The following GNAO1 variants were observed in gnomAD, a reference collection of about 807,000 sequenced individuals.
GNAO1 encodes the protein guanine nucleotide-binding protein G(o) subunit alpha.
For missense variants in GNAO1, 166 were observed against 478.7 expected (o/e 0.35, Z 6.10); for synonymous variants, 164 against 180.7 (o/e 0.91, Z 0.74).
chr16:56,263,439 A>C (rs1288923884), intron 2 of GNAO1, among the ~76,000 whole-genome samples: 1 of 152,206 alleles, frequency 6.6e-6, no homozygotes, highest in Admixed American at 6.5e-5. Context: ...GGGGAAACAG[A>C]TGGTATACAA....
At chr16:56,344,358 G>A in intron 6 of GNAO1, 1 of 1,044,072 alleles carries the variant, frequency 9.6e-7, no homozygotes, top group Non-Finnish European at 1.2e-6. Flanking sequence ...TGCTGGCAGG[G>A]TGGGGTCATA....
At chr16:56,257,185 A>G (rs562416242) in intron 2 of GNAO1, among the ~76,000 whole-genome samples, 20 of 150,038 alleles carry the variant, frequency 1.3e-4, no homozygotes, top group Middle Eastern at 3.4e-3. Flanking sequence ...TGGGGGGGGG[A>G]AATTAGAAGT....
chr16:56,258,028 AAAAT>A (rs1415871527), intron 2 of GNAO1, among the ~76,000 whole-genome samples: 5 of 152,278 alleles, frequency 3.3e-5, no homozygotes, highest in African/African-American at 7.2e-5. Flanking sequence ...TTAAAGGAAA[AAAAT>A]AAAAAGAAAA....
At chr16:56,306,399 G>A (rs888665551) in intron 3 of GNAO1, among the ~76,000 whole-genome samples, 10 of 152,150 alleles carry the variant, frequency 6.6e-5, no homozygotes, top group African/African-American at 2.2e-4. Context: ...AGCTGCCCCC[G>A]CTCCTTCAGG....
rs555590421 is a variant in GNAO1, at chr16:56,195,129, C to T, written c.161+2513C>T. Among the ~76,000 whole-genome samples, 6 of 138,986 alleles carry T rather than the reference C, an allele frequency of 4.3e-5. No individual in the cohort carries two copies. The South Asian group carries it at 1.4e-3, about 32-fold the overall frequency. 91.2% of individuals were successfully genotyped at this position (138,986 alleles called of 152,430 possible). On this transcript the variant is annotated intron_variant, in intron 2 of 8. Coordinates refer to ENST00000262493, the MANE Select transcript of GNAO1 (RefSeq NM_020988.3). ...AGGACACCTTTTTCAAGAAAAATGT[C>T]AGGAAAACAGATTTTGTAGGTAAAA...
chr16:56,231,628 A>G (rs1318627718), intron 2 of GNAO1, among the ~76,000 whole-genome samples: 1 of 152,182 alleles, frequency 6.6e-6, no homozygotes, highest in Non-Finnish European at 1.5e-5. Flanking sequence ...GTGGTCAAGG[A>G]AGAGAATGAG....
intron 6 of GNAO1, among the ~76,000 whole-genome samples, chr16:56,349,080 C>T (rs558858073): frequency 6.6e-6 from 1 of 152,286 alleles, no homozygotes; most frequent in East Asian, 1.9e-4. Context: ...TGGTGTGAGT[C>T]GTGCTCTGTG....
intron 2 of GNAO1, among the ~76,000 whole-genome samples, chr16:56,217,848 T>C (rs2036449321): frequency 6.6e-6 from 1 of 152,208 alleles, no homozygotes; most frequent in Non-Finnish European, 1.5e-5. Context: ...CAGTATGTTA[T>C]GTATGAACGA....
chr16:56,218,603 A>C (rs951971306), intron 2 of GNAO1, among the ~76,000 whole-genome samples: 29 of 152,172 alleles, frequency 1.9e-4, no homozygotes, highest in Non-Finnish European at 2.8e-4. Flanking sequence ...CCCGCTGCCC[A>C]GTACTTCCTG....
chr16:56,273,753 T>C (rs1489798119), intron 2 of GNAO1, among the ~76,000 whole-genome samples: 4 of 152,244 alleles, frequency 2.6e-5, no homozygotes, highest in African/African-American at 9.6e-5. Flanking sequence ...ACTCTGGAGC[T>C]AGCTCAGCCC....
At chr16:56,345,940 C>G (rs1322041770) in intron 6 of GNAO1, 16 of 985,398 alleles carry the variant, frequency 1.6e-5, no homozygotes, top group Non-Finnish European at 1.8e-5. Context: ...CTCTCCATGT[C>G]CCCCAGCAGC....
chr16:56,278,497 A>T (rs1186071778), intron 3 of GNAO1, among the ~76,000 whole-genome samples: 3 of 152,166 alleles, frequency 2.0e-5, no homozygotes, highest in Admixed American at 6.5e-5. Context: ...GCTGGGCAGA[A>T]GAGAGTGGAA....
At chr16:56,308,352 T>A (rs529646297) in intron 3 of GNAO1, 45 of 152,348 alleles carry the variant, frequency 3.0e-4, no homozygotes, top group African/African-American at 1.1e-3. Flanking sequence ...CTGGCTTTTT[T>A]AAATGAGTCC....
chr16:56,240,533 T>G (rs988882759), intron 2 of GNAO1, among the ~76,000 whole-genome samples: 4 of 152,204 alleles, frequency 2.6e-5, no homozygotes, highest in Admixed American at 6.5e-5. Flanking sequence ...TGTATACATT[T>G]GAGCATGTCA....
intron 2 of GNAO1, among the ~76,000 whole-genome samples, chr16:56,224,073 A>G (rs1161634375): frequency 6.6e-6 from 1 of 152,162 alleles, no homozygotes; most frequent in African/African-American, 2.4e-5. Context: ...GCCTCAGAAG[A>G]TGGGCAGTGC....
Position 56,334,581 on chromosome 16 carries a change from C to T in GNAO1, c.465-148C>T. 3 of 812,362 alleles carry T rather than the reference C, an allele frequency of 3.7e-6. No homozygotes were observed. In the South Asian group the frequency reaches 5.3e-5, roughly 14 times the overall value. 50.3% of individuals were successfully genotyped at this position (812,362 alleles called of 1,614,324 possible). A position where few individuals can be genotyped will look rare whatever the true frequency, so the allele number is the denominator to read the frequency against. ...CCCACTTCCTCAGTCGCCCCCACTC[C>T]CTATGGCCTGGAATGGAGGTGATGT... On this transcript the variant is annotated intron_variant, in intron 4 of 8. Coordinates refer to ENST00000262493, the MANE Select transcript of GNAO1 (RefSeq NM_020988.3).
intron 2 of GNAO1, among the ~76,000 whole-genome samples, chr16:56,239,273 T>C (rs115106522): frequency 0.012 from 1,813 of 152,350 alleles, 40 homozygotes; most frequent in African/African-American, 0.042. Context: ...CCACAAGCTT[T>C]GGCAGCATGA....
chr16:56,192,407 C>G (rs1219303226), intron 1 of GNAO1, 54 bp downstream of exon 1: 1 of 1,104,498 alleles, frequency 9.1e-7, no homozygotes, highest in African/African-American at 1.6e-5. Flanking sequence ...TCCGCACCCC[C>G]TGCCACCAGC....
intron 2 of GNAO1, among the ~76,000 whole-genome samples, chr16:56,216,125 C>CA (rs371884902): frequency 3.9e-5 from 6 of 152,110 alleles, no homozygotes; most frequent in Admixed American, 1.3e-4. Flanking sequence ...CTGCTAGGAG[C>CA]AAAAAAATCC....
Sources: allele counts gnomAD v4.1 joint callset (sites outside exome capture counted in the v4.1 genomes callset), GRCh38; gene constraint gnomAD v4.1.1; transcripts MANE v1.5; gene names NCBI Gene and HGNC (gene_info 2026-07-23, HGNC 2026-07-21).